XPO4: variants seen among roughly 807,000 people sequenced by gnomAD.
XPO4 encodes the protein exportin 4.
Under a neutral mutation model 143.0 loss-of-function variants are expected in XPO4, and 39 were observed. The ratio of observed to expected loss-of-function variants is 0.27; its 90% CI spans 0.21 to 0.36. The LOEUF is 0.36. Among genes scored for constraint, XPO4 ranks in the 10% least tolerant of loss-of-function variants. The probability of loss-of-function intolerance (pLI) is 1.00; values close to 1 mark genes in which losing one functional copy is unlikely to be tolerated. For missense variants in XPO4, 907 were observed against 1,348.0 expected, an observed-to-expected ratio of 0.67 and a Z score of 5.12; for synonymous variants, 439 against 474.0, an observed-to-expected ratio of 0.93 and a Z score of 0.96.
In XPO4 at chr13:20,854,868, T is replaced by C. The variant is rs150357525; in HGVS notation, c.456+759A>G. ...GAACAATAACCCCTAATTTGTTCAG[T>C]TGACAGTAACTCCTGAAGTCCCATG... On this transcript the variant is annotated intron_variant, in intron 4 of 22. Transcript: ENST00000255305. Among the ~76,000 whole-genome samples, 1,007 of 152,268 alleles carry C rather than the reference T, an allele frequency of 6.6e-3. 12 individuals are homozygous for C. Among genetic ancestry groups the C allele is most frequent in the African/African-American group, 0.023 (963 of 41,548 alleles).
chr13:20,794,856 A>T (rs2059335152), intron 18 of XPO4, among the ~76,000 whole-genome samples: 1 of 152,174 alleles, frequency 6.6e-6, no homozygotes, highest in Admixed American at 6.5e-5. Context: ...GAATTCACTG[A>T]GGAAAAGTGA....
Position 20,799,151 on chromosome 13 carries a change from G to C in XPO4, c.2322+14C>G. On this transcript the variant is annotated intron_variant, in intron 16 of 22. Coordinates refer to ENST00000255305, the MANE Select transcript of XPO4 (RefSeq NM_022459.5). ...TACACAAAAGGGTGCAATCAAAATA[G>C]ACAGCACTGTTACCTCTGTCCAATA... 1 of 1,566,750 alleles carries C rather than the reference G, an allele frequency of 6.4e-7. No homozygotes were observed. The highest frequency in any genetic ancestry group is 8.7e-7 in the Non-Finnish European group (1 of 1,149,824).
rs376523766 is a variant in XPO4 at position 20,831,164 on chromosome 13, T to C, written c.728-3985A>G. On this transcript the variant is annotated intron_variant, in intron 6 of 22. Coordinates refer to ENST00000255305, the MANE Select transcript of XPO4 (RefSeq NM_022459.5). ...CCCAGATAATTCTTAAATTCTTAACTTAAAAAACAAACAGAACCAGTACCA... is the reference window on the plus strand; with the variant it reads ...CCCAGATAATTCTTAAATTCTTAACCTAAAAAACAAACAGAACCAGTACCA... 1.1e-4 allele frequency among the ~76,000 whole-genome samples: 17 copies of C among 152,198 alleles called. No homozygotes were observed. The East Asian group carries it at 3.1e-3, about 28-fold the overall frequency.
At chr13:20,800,467 C>A in intron 14 of XPO4, 142 bp from the exon 15 acceptor site, 1 of 769,080 alleles carries the variant, frequency 1.3e-6, no homozygotes, top group African/African-American at 1.8e-5. Context: ...TACTCATTTC[C>A]ACTGGTCAAA....
intron 6 of XPO4, among the ~76,000 whole-genome samples, chr13:20,835,822 T>A (rs576997464): frequency 3.3e-5 from 5 of 152,222 alleles, no homozygotes; most frequent in African/African-American, 1.2e-4. Flanking sequence ...CTACTATCAC[T>A]GAGACAGCAA....
chr13:20,902,712 T>TG lies in XPO4; in HGVS notation c.26dup (p.Glu10ArgfsTer11). On this transcript the variant is annotated frameshift_variant, in exon 1 of 23. Transcript: ENST00000255305. LOFTEE classifies it high-confidence loss of function. Reference sequence around the variant, plus strand: ...CGTTCTCCAGCTGAGCGATCACTTCTGGGGGCCCCAGCGCCGCCGCCATCA... The same window carrying TG: ...CGTTCTCCAGCTGAGCGATCACTTCTGGGGGGCCCCAGCGCCGCCGCCATCA... 2 of 1,566,540 alleles carry TG rather than the reference T, an allele frequency of 1.3e-6. No homozygotes were observed. The highest frequency in any genetic ancestry group is 1.7e-6 in the Non-Finnish European group (2 of 1,155,822).
chr13:20,813,366 A>G (rs2059607942), intron 9 of XPO4, among the ~76,000 whole-genome samples: 1 of 152,206 alleles, frequency 6.6e-6, no homozygotes, highest in Non-Finnish European at 1.5e-5. Flanking sequence ...CAAACATCCC[A>G]TTAGGAAAAT....
At chr13:20,878,528 CTAGA>C (rs1344909917) in intron 1 of XPO4, among the ~76,000 whole-genome samples, 22 of 152,270 alleles carry the variant, frequency 1.4e-4, no homozygotes, top group African/African-American at 4.8e-4. Context: ...ATTTACCAAC[CTAGA>C]TAAACCCTGA....
At chr13:20,795,366 C>A (rs2059343789) in intron 18 of XPO4, among the ~76,000 whole-genome samples, 1 of 152,186 alleles carries the variant, frequency 6.6e-6, no homozygotes, top group South Asian at 2.1e-4. Flanking sequence ...CTATCTTTTA[C>A]CTACTGATTG....
intron 3 of XPO4, among the ~76,000 whole-genome samples, chr13:20,862,211 T>G (rs1349412797): frequency 6.6e-6 from 1 of 152,180 alleles, no homozygotes; most frequent in African/African-American, 2.4e-5. Context: ...ATTTTTCACC[T>G]CTACTAAGCA....
chr13:20,883,805 T>C (rs190045103), intron 1 of XPO4, among the ~76,000 whole-genome samples: 3 of 152,348 alleles, frequency 2.0e-5, no homozygotes, highest in Non-Finnish European at 4.4e-5. Flanking sequence ...TTTGCTCTTG[T>C]TGCCCAGGAT....
intron 1 of XPO4, among the ~76,000 whole-genome samples, chr13:20,876,711 TAAGTA>T (rs2138149983): frequency 6.6e-6 from 1 of 152,298 alleles, no homozygotes; most frequent in African/African-American, 2.4e-5. Flanking sequence ...AAGGCACCAT[TAAGTA>T]AAGTGAAAGA....
chr13:20,857,931 C>A (rs1406579084), intron 3 of XPO4: 2 of 984,918 alleles, frequency 2.0e-6, no homozygotes, highest in Non-Finnish European at 1.2e-6. Flanking sequence ...AGAAAAAATT[C>A]TGTGCATGTA....
intron 13 of XPO4, among the ~76,000 whole-genome samples, chr13:20,806,083 T>C (rs1442532806): frequency 2.0e-5 from 3 of 152,166 alleles, no homozygotes; most frequent in African/African-American, 7.2e-5. Flanking sequence ...AAAGAATATA[T>C]AATATGACAG....
chr13:20,839,202 T>C (rs1460791594), intron 6 of XPO4, among the ~76,000 whole-genome samples: 1 of 152,166 alleles, frequency 6.6e-6, no homozygotes, highest in African/African-American at 2.4e-5. Context: ...AGGCAGAGGT[T>C]GCAGTGAGCC....
At chr13:20,821,653 G>A (rs749297170) in intron 9 of XPO4, 51 bp downstream of exon 9, 14 of 1,547,752 alleles carry the variant, frequency 9.0e-6, no homozygotes, top group Non-Finnish European at 9.6e-6. Flanking sequence ...CAAAGGCACC[G>A]CAAATTTCCT....
In XPO4 at chr13:20,783,748, C is replaced by T. The variant is rs1215023918; in HGVS notation, c.3430G>A (p.Val1144Ile). 6.2e-7 allele frequency: 1 copy of T among 1,614,226 alleles called. No homozygotes were observed. Among genetic ancestry groups the T allele is most frequent in the Non-Finnish European group, 8.5e-7 (1 of 1,180,028 alleles). Residue 1144 changes from valine to isoleucine, a missense_variant, in exon 23 of 23, where the codon GTT (valine) becomes ATT (isoleucine). Val to Ile is a conservative substitution (Grantham distance 29). Coordinates refer to ENST00000255305, the MANE Select transcript of XPO4 (RefSeq NM_022459.5). ...TATTTTACACAAAGGAGACCACCAA[C>T]ATTTGCCATAAATTCTTCTAAACTC... ...LKSLEEFMAN[V>I]GGLLCVK
chr13:20,800,331 G>C lies in XPO4; in HGVS notation c.1978-6C>G. 6.3e-7 allele frequency: 1 copy of C among 1,596,614 alleles called. No individual in the cohort carries two copies. The highest frequency in any genetic ancestry group is 8.5e-7 in the Non-Finnish European group (1 of 1,172,306). On this transcript the variant is annotated splice_region_variant and splice_polypyrimidine_tract_variant and intron_variant, in intron 14 of 22. Coordinates refer to ENST00000255305, the MANE Select transcript of XPO4 (RefSeq NM_022459.5). Reference sequence around the variant, plus strand: ...GTACTGAATGGCAGACTTATCTTAAGAGAGGAAACAAATTTTTTAAGGTAA... The same window carrying C: ...GTACTGAATGGCAGACTTATCTTAACAGAGGAAACAAATTTTTTAAGGTAA...
intron 4 of XPO4, chr13:20,852,551 G>T (rs1222877191): frequency 1.0e-6 from 1 of 984,562 alleles, no homozygotes; most frequent in African/African-American, 1.7e-5. Flanking sequence ...TGAAGCATCA[G>T]CATCTCATGA....
Sources: gnomAD v4.1 joint callset for allele counts (sites outside exome capture counted in the v4.1 genomes callset) on GRCh38, gnomAD v4.1.1 for gene constraint, MANE v1.5 for transcripts, NCBI Gene and HGNC (gene_info 2026-07-23, HGNC 2026-07-21) for gene names.